The following LAPTM4B variants were observed in gnomAD, a reference collection of about 807,000 sequenced individuals.
The protein encoded by LAPTM4B is lysosomal-associated transmembrane protein 4B.
A neutral mutation model predicts 28.5 loss-of-function variants in LAPTM4B; 26 were observed. That is an observed-to-expected ratio of 0.91 (90% confidence interval 0.67 to 1.27). LAPTM4B has a LOEUF of 1.27. Ranked by LOEUF, LAPTM4B falls within the 50% of genes most tolerant of loss-of-function variation. The pLI, the probability that LAPTM4B is intolerant of heterozygous loss-of-function variation, is 0.00. For missense variants in LAPTM4B, 288 were observed against 285.8 expected, an observed-to-expected ratio of 1.01 and a Z score of -0.06; for synonymous variants, 109 against 106.4, an observed-to-expected ratio of 1.02 and a Z score of -0.15.
At chr8:97,822,520 G>A (rs1488209017) in intron 5 of LAPTM4B, among the ~76,000 whole-genome samples, 1 of 144,942 alleles carries the variant, frequency 6.9e-6, no homozygotes, top group African/African-American at 2.5e-5. Context: ...CTGTCAGTAT[G>A]ACTTCTATTT....
At chr8:97,832,783 T>C (rs1759281803) in intron 6 of LAPTM4B, among the ~76,000 whole-genome samples, 1 of 150,574 alleles carries the variant, frequency 6.6e-6, no homozygotes, top group South Asian at 2.1e-4. Flanking sequence ...CTTGGCTCAC[T>C]GCAACCTCTG....
chr8:97,776,696 C>CA (rs1191293530), intron 1 of LAPTM4B, among the ~76,000 whole-genome samples: 1 of 152,000 alleles, frequency 6.6e-6, no homozygotes, highest in East Asian at 1.9e-4. Flanking sequence ...TGGGTCCCCC[C>CA]CCCGATGTTT....
intron 6 of LAPTM4B, among the ~76,000 whole-genome samples, chr8:97,841,019 C>T (rs2129845858): frequency 6.6e-6 from 1 of 150,860 alleles, no homozygotes; most frequent in South Asian, 2.1e-4. Flanking sequence ...CTCCTTACAT[C>T]CCAGATGGGG....
intron 5 of LAPTM4B, among the ~76,000 whole-genome samples, chr8:97,822,845 T>A (rs1028654581): frequency 6.7e-6 from 1 of 148,566 alleles, no homozygotes; most frequent in Non-Finnish European, 1.5e-5. Flanking sequence ...TTATTTTTTT[T>A]ATTTATTTTT....
chr8:97,812,345 G>A (rs143832691), intron 2 of LAPTM4B, among the ~76,000 whole-genome samples: 7,198 of 150,788 alleles, frequency 0.048, 226 homozygotes, highest in Admixed American at 0.084. Context: ...TTGGCCTCCC[G>A]AGTAGCTGGG....
intron 1 of LAPTM4B, among the ~76,000 whole-genome samples, chr8:97,790,387 C>G (rs747481079): frequency 2.0e-5 from 3 of 151,632 alleles, no homozygotes; most frequent in Non-Finnish European, 4.4e-5. Flanking sequence ...TCCTGGCTCA[C>G]TGCAACCTCC....
chr8:97,830,880 G>A (rs951587385), intron 6 of LAPTM4B, among the ~76,000 whole-genome samples: 13 of 152,132 alleles, frequency 8.5e-5, no homozygotes, highest in Admixed American at 2.0e-4. Flanking sequence ...TTCATGTCTA[G>A]CTTGTTGAAG....
chr8:97,783,522 A>C (rs1045945703), intron 1 of LAPTM4B, among the ~76,000 whole-genome samples: 2 of 152,222 alleles, frequency 1.3e-5, no homozygotes, highest in African/African-American at 4.8e-5. Context: ...GAAAATCTGC[A>C]TTAGTGAAAT....
At position 97,775,966 on chromosome 8, in the gene LAPTM4B, T is replaced by C. The variant is rs1369680679; in HGVS notation, c.-44T>C. ...GGGCTCCAGGCGAGGCGGTCGACGC[T>C]CCTGAAAACTTGCGCGCGCGCTCGC... On this transcript the variant is annotated 5_prime_UTR_variant, in exon 1 of 7. Coordinates refer to ENST00000521545, the MANE Select transcript of LAPTM4B (RefSeq NM_018407.6). 8.6e-6 allele frequency: 13 copies of C among 1,511,150 alleles called. No homozygotes were observed. Among genetic ancestry groups the C allele is most frequent in the Non-Finnish European group, 1.1e-5 (13 of 1,133,860 alleles). 93.6% of individuals were successfully genotyped at this position (1,511,150 alleles called of 1,614,324 possible).
chr8:97,815,985 A>ATAC (rs2129792229), intron 3 of LAPTM4B, 73 bp from the exon 4 acceptor site: 12 of 1,083,690 alleles, frequency 1.1e-5, no homozygotes, highest in Non-Finnish European at 1.5e-5. Flanking sequence ...GATTAATAAA[A>ATAC]TACTTTGAAT....
intron 2 of LAPTM4B, among the ~76,000 whole-genome samples, chr8:97,807,099 A>G (rs10091490): frequency 0.037 from 5,605 of 152,244 alleles, 332 homozygotes; most frequent in African/African-American, 0.13. Context: ...TATCAGCAGC[A>G]TGAAAACAGA....
chr8:97,838,132 T>G (rs1030154419), intron 6 of LAPTM4B, among the ~76,000 whole-genome samples: 2 of 152,182 alleles, frequency 1.3e-5, no homozygotes, highest in Admixed American at 1.3e-4. Flanking sequence ...GGGAGAGCTG[T>G]CAGAGGTAGT....
intron 2 of LAPTM4B, among the ~76,000 whole-genome samples, chr8:97,808,283 T>C (rs1319844126): frequency 1.3e-5 from 2 of 151,740 alleles, no homozygotes; most frequent in East Asian, 4.0e-4. Context: ...ACCCCATCTC[T>C]ACTAAAAACA....
At chr8:97,800,794 C>A (rs1816664844) in intron 1 of LAPTM4B, among the ~76,000 whole-genome samples, 1 of 151,998 alleles carries the variant, frequency 6.6e-6, no homozygotes, top group African/African-American at 2.4e-5. Flanking sequence ...CTGTGCCCAG[C>A]CCCGTTGACT....
At chr8:97,788,797 C>T (rs979469844) in intron 1 of LAPTM4B, among the ~76,000 whole-genome samples, 6 of 151,450 alleles carry the variant, frequency 4.0e-5, no homozygotes, top group African/African-American at 9.7e-5. Context: ...CGGGTTCAAG[C>T]GAATCTTCTG....
chr8:97,805,394 G>T lies in LAPTM4B; in HGVS notation c.141G>T (p.Leu47=). The part of the protein sequence containing the change: ...AVVLLILLSA[L]ADPDQYNFSS... ...TACTGTTGATTTTATTGAGTGCCCT[G>T]GCTGATCCGGATCAGTATAACTTTT... The change falls in exon 2 of 7, where the codon CTG becomes CTT. Residue 47 remains leucine (L), a synonymous_variant. Coordinates refer to ENST00000521545, the MANE Select transcript of LAPTM4B (RefSeq NM_018407.6). 6.2e-7 allele frequency: 1 copy of T among 1,607,110 alleles called. No homozygotes were observed. Among genetic ancestry groups the T allele is most frequent in the Non-Finnish European group, 8.5e-7 (1 of 1,177,364 alleles).
rs1280829093 is a variant in LAPTM4B at position 97,847,769 on chromosome 8, C to T, written c.604-3628C>T. ...CTACAAGGATTTAAAACTAGTCCCA[C>T]GTGGAGAACCTTTGAAAGTAGTCCA... On this transcript the variant is annotated intron_variant, in intron 6 of 6. Coordinates refer to ENST00000521545, the MANE Select transcript of LAPTM4B (RefSeq NM_018407.6). 2.6e-5 allele frequency among the ~76,000 whole-genome samples: 4 copies of T among 152,144 alleles called. No individual in the cohort carries two copies. The East Asian group carries it at 5.8e-4, about 22-fold the overall frequency.
intron 6 of LAPTM4B, among the ~76,000 whole-genome samples, chr8:97,832,192 T>A (rs115848253): frequency 0.028 from 4,294 of 152,218 alleles, 201 homozygotes; most frequent in African/African-American, 0.099. Context: ...GACACAAAGG[T>A]ATGGAATAAC....
At chr8:97,850,039 C>A (rs1308152375) in intron 6 of LAPTM4B, among the ~76,000 whole-genome samples, 2 of 151,852 alleles carry the variant, frequency 1.3e-5, no homozygotes. Flanking sequence ...GGGCTTCAGC[C>A]ACACCCTCCC....
Sources: allele counts gnomAD v4.1 joint callset (sites outside exome capture counted in the v4.1 genomes callset), GRCh38; gene constraint gnomAD v4.1.1; transcripts MANE v1.5; gene names NCBI Gene and HGNC (gene_info 2026-07-23, HGNC 2026-07-21).